Variants in RNASEH2C observed in about 807,000 individuals in gnomAD.
RNASEH2C encodes ribonuclease H2 subunit C.
RNASEH2C carries 20 observed loss-of-function variants against 16.3 expected under a neutral mutation model. The observed-to-expected ratio is 1.23, with a 90% CI of 0.86 to 1.79. The LOEUF (loss-of-function observed/expected upper bound fraction) is 1.79, where lower values mean the gene tolerates loss of function less well. Ranked by LOEUF, RNASEH2C falls within the 40% of genes most tolerant of loss-of-function variation. The pLI, the probability that RNASEH2C is intolerant of heterozygous loss-of-function variation, is 0.00. For synonymous variants in RNASEH2C, 106 were observed against 98.9 expected, an observed-to-expected ratio of 1.07 and a Z score of -0.43; for missense variants, 296 against 235.9, an observed-to-expected ratio of 1.25 and a Z score of -1.67.
chr11:65,720,479 C>T, intron 1 of RNASEH2C, 62 bp from the exon 2 acceptor site: 1 of 1,595,404 alleles, frequency 6.3e-7, no homozygotes, highest in Non-Finnish European at 8.5e-7. Context: ...CCGGAGCTGC[C>T]CTCCCGCCAC....
Position 65,719,719 on chromosome 11 carries a change from C to A in RNASEH2C, c.*64G>T, listed in dbSNP as rs776252408. The A allele has an allele frequency of 6.4e-7, 1 of 1,564,286 alleles. No homozygotes were observed. Among genetic ancestry groups the A allele is most frequent in the Non-Finnish European group, 8.8e-7 (1 of 1,135,974 alleles). On this transcript the variant is annotated 3_prime_UTR_variant, in exon 4 of 4. Coordinates refer to ENST00000308418, the MANE Select transcript of RNASEH2C (RefSeq NM_032193.4). ...AGCTCCTTTATTGGGGTGATGGAAT[C>A]GGTTCCAAAGAGCTGGTTTACTGCT...
At position 65,719,882 on chromosome 11, in the gene RNASEH2C, G is replaced by A. The variant is rs1268989268; in HGVS notation, c.469-73C>T. On this transcript the variant is annotated intron_variant, in intron 3 of 3. Transcript: ENST00000308418. ...AAGCTGGCCCCCATACCCGAGGAAG[G>A]ACCCAGCTGTTCAGAATAACCGCTT... is the stretch of plus-strand genomic sequence containing the variant. 3 of 1,606,638 alleles carry A rather than the reference G, an allele frequency of 1.9e-6. No individual in the cohort carries two copies. The Admixed American group carries it at 5.0e-5, about 27-fold the overall frequency.
At position 65,720,785 on chromosome 11, in the gene RNASEH2C, C is replaced by G. The variant is rs549471118; in HGVS notation, c.-27G>C. 4 of 1,567,470 alleles carry G rather than the reference C, an allele frequency of 2.6e-6. No homozygotes were observed. Among genetic ancestry groups the G allele is most frequent in the Non-Finnish European group, 3.4e-6 (4 of 1,164,056 alleles). On this transcript the variant is annotated 5_prime_UTR_variant, in exon 1 of 4. Transcript: ENST00000308418. Reference sequence around the variant, plus strand: ...CTCCCTCCTACGCGACGCCAGGGCTCGCGAGCTGACACTGAAGCTGGCGCG... The same window carrying G: ...CTCCCTCCTACGCGACGCCAGGGCTGGCGAGCTGACACTGAAGCTGGCGCG...
rs751668441 is a variant in RNASEH2C at position 65,720,375 on chromosome 11, T to A, written c.215A>T (p.Glu72Val). Reference sequence around the variant, plus strand: ...CACGAGGCCAGGCGGCACCGCCACCTCCTCTCCCCGTAGACAGCGGCCCCG... The same window carrying A: ...CACGAGGCCAGGCGGCACCGCCACCACCTCTCCCCGTAGACAGCGGCCCCG... ...SFRGRCLRGE[E>V]VAVPPGLVGY... Residue 72 changes from glutamate (E) to valine (V), a missense_variant, in exon 2 of 4, where the codon GAG (glutamate) becomes GTG (valine). Coordinates refer to ENST00000308418, the MANE Select transcript of RNASEH2C (RefSeq NM_032193.4). 1.9e-6 allele frequency: 3 copies of A among 1,614,176 alleles called. No individual in the cohort carries two copies. The highest frequency in any genetic ancestry group is 3.3e-5 in the Admixed American group (2 of 60,026).
Position 65,718,465 on chromosome 11 carries a change from T to C in RNASEH2C, c.*1318A>G, listed in dbSNP as rs879235568. 16 of 933,240 alleles carry C rather than the reference T, an allele frequency of 1.7e-5. 2 individuals are homozygous for C. In the South Asian group the frequency reaches 2.3e-4, roughly 14 times the overall value. The allele number at this position is 933,240 out of a possible 1,614,324, so 57.8% of individuals were successfully genotyped here. On this transcript the variant is annotated 3_prime_UTR_variant, in exon 4 of 4. Coordinates refer to ENST00000308418, the MANE Select transcript of RNASEH2C (RefSeq NM_032193.4). ...CTGAGGCACAGAGAAGTGGAGGGCA[T>C]AGAACTGCCAAGTGGCAGGGCCATG... is the stretch of plus-strand genomic sequence containing the variant.
rs1433690295 is a variant in RNASEH2C at position 65,719,611 on chromosome 11, T to C, written c.*172A>G. The C allele has an allele frequency of 2.7e-6, 2 of 742,672 alleles. No individual in the cohort carries two copies. The highest frequency in any genetic ancestry group is 4.8e-6 in the Non-Finnish European group (2 of 419,204). The allele number at this position is 742,672 out of a possible 1,614,324, so 46.0% of individuals were successfully genotyped here. On this transcript the variant is annotated 3_prime_UTR_variant, in exon 4 of 4. Coordinates refer to ENST00000308418, the MANE Select transcript of RNASEH2C (RefSeq NM_032193.4). Reference sequence around the variant, plus strand: ...AAATTGTTTCTATATGCCAGAGCCATGCAAAGTTCTTGGTGGGGAGGGGGA... The same window carrying C: ...AAATTGTTTCTATATGCCAGAGCCACGCAAAGTTCTTGGTGGGGAGGGGGA...
rs1236635095 is a variant in RNASEH2C at position 65,718,213 on chromosome 11, A to C, written c.*1570T>G. On this transcript the variant is annotated 3_prime_UTR_variant, in exon 4 of 4. Transcript: ENST00000308418. ...TCTCAGGTCTGGATTAGAGACAGGAATCTGTCTCCACTTCCTTACATGGCT... is the reference window on the plus strand; with the variant it reads ...TCTCAGGTCTGGATTAGAGACAGGACTCTGTCTCCACTTCCTTACATGGCT... 5.5e-6 allele frequency: 1 copy of C among 181,670 alleles called. No homozygotes were observed. Among genetic ancestry groups the C allele is most frequent in the Non-Finnish European group, 1.2e-5 (1 of 85,428 alleles). The allele number at this position is 181,670 out of a possible 1,614,324, so 11.3% of individuals were successfully genotyped here. A position where few individuals can be genotyped will look rare whatever the true frequency, so the allele number is the denominator to read the frequency against.
Position 65,719,085 on chromosome 11 carries a change from T to C in RNASEH2C, c.*698A>G, listed in dbSNP as rs1857307232. Reference sequence around the variant, plus strand: ...TCACACTGTCAGAGGACATCGTGGATGGCCATGAGCGGGCCATGCTCAAGC... The same window carrying C: ...TCACACTGTCAGAGGACATCGTGGACGGCCATGAGCGGGCCATGCTCAAGC... On this transcript the variant is annotated 3_prime_UTR_variant, in exon 4 of 4. Transcript: ENST00000308418. 1 of 1,614,184 alleles carries C rather than the reference T, an allele frequency of 6.2e-7. No individual in the cohort carries two copies. The highest frequency in any genetic ancestry group is 8.5e-7 in the Non-Finnish European group (1 of 1,180,026).
Position 65,719,603 on chromosome 11 carries a change from C to G in RNASEH2C, c.*180G>C. ...CCGGCAATAAATTGTTTCTATATGCCAGAGCCATGCAAAGTTCTTGGTGGG... is the reference window on the plus strand; with the variant it reads ...CCGGCAATAAATTGTTTCTATATGCGAGAGCCATGCAAAGTTCTTGGTGGG... On this transcript the variant is annotated 3_prime_UTR_variant, in exon 4 of 4. Coordinates refer to ENST00000308418, the MANE Select transcript of RNASEH2C (RefSeq NM_032193.4). The G allele has an allele frequency of 1.4e-6, 1 of 727,490 alleles. No homozygotes were observed. The highest frequency in any genetic ancestry group is 2.4e-6 in the Non-Finnish European group (1 of 410,686). The allele number at this position is 727,490 out of a possible 1,614,324, so 45.1% of individuals were successfully genotyped here.
At position 65,720,350 on chromosome 11, in the gene RNASEH2C, C is replaced by T. The variant is rs1222844779; in HGVS notation, c.240G>A (p.Val80=). The change falls in exon 2 of 4, where the codon GTG becomes GTA. Residue 80 remains valine, a synonymous_variant. Coordinates refer to ENST00000308418, the MANE Select transcript of RNASEH2C (RefSeq NM_032193.4). ...TCTCTTCTGTCACCATCACGTATCC[C>T]ACGAGGCCAGGCGGCACCGCCACCT... The part of the protein sequence containing the change: ...GEEVAVPPGL[V]GYVMVTEEKK... 4 of 1,614,134 alleles carry T rather than the reference C, an allele frequency of 2.5e-6. No individual in the cohort carries two copies. Among genetic ancestry groups the T allele is most frequent in the African/African-American group, 2.7e-5 (2 of 74,954 alleles).
Position 65,718,032 on chromosome 11 carries a change from T to A in RNASEH2C, c.*1751A>T, listed in dbSNP as rs1857261434. ...GGGAAAGAGCCATGGTGGGGGTCAG[T>A]CACGTGGCTCCCAGGAATGGTCTCC... On this transcript the variant is annotated 3_prime_UTR_variant, in exon 4 of 4. Coordinates refer to ENST00000308418, the MANE Select transcript of RNASEH2C (RefSeq NM_032193.4). 6.5e-6 allele frequency: 1 copy of A among 153,688 alleles called. No homozygotes were observed. Among genetic ancestry groups the A allele is most frequent in the Admixed American group, 6.4e-5 (1 of 15,514 alleles). 9.5% of individuals were successfully genotyped at this position (153,688 alleles called of 1,614,324 possible).
Position 65,718,473 on chromosome 11 carries a change from C to A in RNASEH2C, c.*1310G>T. On this transcript the variant is annotated 3_prime_UTR_variant, in exon 4 of 4. Coordinates refer to ENST00000308418, the MANE Select transcript of RNASEH2C (RefSeq NM_032193.4). Reference sequence around the variant, plus strand: ...CAGAGAAGTGGAGGGCATAGAACTGCCAAGTGGCAGGGCCATGATAGGAAC... The same window carrying A: ...CAGAGAAGTGGAGGGCATAGAACTGACAAGTGGCAGGGCCATGATAGGAAC... 1 of 1,036,454 alleles carries A rather than the reference C, an allele frequency of 9.6e-7. No individual in the cohort carries two copies. The highest frequency in any genetic ancestry group is 1.4e-6 in the Non-Finnish European group (1 of 699,948). The allele number at this position is 1,036,454 out of a possible 1,614,324, so 64.2% of individuals were successfully genotyped here. A position where few individuals can be genotyped will look rare whatever the true frequency, so the allele number is the denominator to read the frequency against.
chr11:65,720,794 A>G lies in RNASEH2C; in HGVS notation c.-36T>C. ...ACGCGACGCCAGGGCTCGCGAGCTG[A>G]CACTGAAGCTGGCGCGGAAAGCGCG... On this transcript the variant is annotated 5_prime_UTR_variant, in exon 1 of 4. Transcript: ENST00000308418. The G allele has an allele frequency of 6.4e-7, 1 of 1,563,460 alleles. No homozygotes were observed. The highest frequency in any genetic ancestry group is 8.6e-7 in the Non-Finnish European group (1 of 1,162,056).
In RNASEH2C at chr11:65,720,046, G is replaced by C. The variant is rs1857343639; in HGVS notation, c.467C>G (p.Ala156Gly). The change falls in exon 3 of 4, where the codon GCG becomes GGG. Residue 156 changes from alanine to glycine, a missense_variant and splice_region_variant. By Grantham distance (60) the Ala-to-Gly change is moderately conservative. Coordinates refer to ENST00000308418, the MANE Select transcript of RNASEH2C (RefSeq NM_032193.4). ...AGACGGAACTCCTCGTCTACTCACCGCTGCCGCAAGGCTGGGCCAAGTTAA... is the reference window on the plus strand; with the variant it reads ...AGACGGAACTCCTCGTCTACTCACCCCTGCCGCAAGGCTGGGCCAAGTTAA... ...GALTWPSLAA[A>G]IHAQVPED 6.2e-7 allele frequency: 1 copy of C among 1,613,360 alleles called. No individual in the cohort carries two copies.
chr11:65,720,638 G>A lies in RNASEH2C; in HGVS notation c.121C>T (p.Pro41Ser). ...LLPCEVAVDG[P>S]APVGRFFTPA... ...GTGAAGAAGCGCCCCACCGGGGCGG[G>A]CCCGTCCACCGCAACCTCGCAGGGC... Residue 41 changes from proline to serine, a missense_variant, in exon 1 of 4, where the codon CCC (proline) becomes TCC (serine). By Grantham distance (74) the Pro-to-Ser change is moderately conservative (BLOSUM62 -1). Transcript: ENST00000308418. The A allele has an allele frequency of 1.3e-6, 2 of 1,564,362 alleles. No homozygotes were observed. The highest frequency in any genetic ancestry group is 1.7e-6 in the Non-Finnish European group (2 of 1,159,290).
rs980132061 is a variant in RNASEH2C at position 65,718,933 on chromosome 11, C to T, written c.*850G>A. ...ATGTCATCTCCACTCTGCAGTACCTCAATCTCATCAACTACTACAAGGTAG... is the reference window on the plus strand; with the variant it reads ...ATGTCATCTCCACTCTGCAGTACCTTAATCTCATCAACTACTACAAGGTAG... On this transcript the variant is annotated 3_prime_UTR_variant, in exon 4 of 4. Coordinates refer to ENST00000308418, the MANE Select transcript of RNASEH2C (RefSeq NM_032193.4). The T allele has an allele frequency of 2.5e-6, 4 of 1,614,072 alleles. No homozygotes were observed. The highest frequency in any genetic ancestry group is 1.3e-5 in the African/African-American group (1 of 74,938).
rs987901093 is a variant in RNASEH2C, at chr11:65,719,091, T to C, written c.*692A>G. 2.8e-5 allele frequency: 45 copies of C among 1,614,208 alleles called. No homozygotes were observed. The highest frequency in any genetic ancestry group is 1.6e-4 in the Middle Eastern group (1 of 6,062). Reference sequence around the variant, plus strand: ...TGTCAGAGGACATCGTGGATGGCCATGAGCGGGCCATGCTCAAGCGGCTCC... The same window carrying C: ...TGTCAGAGGACATCGTGGATGGCCACGAGCGGGCCATGCTCAAGCGGCTCC... On this transcript the variant is annotated 3_prime_UTR_variant, in exon 4 of 4. Coordinates refer to ENST00000308418, the MANE Select transcript of RNASEH2C (RefSeq NM_032193.4).
In RNASEH2C at chr11:65,718,750, G is replaced by A. The variant is rs2135646256; in HGVS notation, c.*1033C>T. The stretch of plus-strand genomic sequence containing the variant: ...GGGAGAGGCCACAGATCACCATCAA[G>A]TGAGCCTGGCGCTGTCTACCTGGGG... On this transcript the variant is annotated 3_prime_UTR_variant, in exon 4 of 4. Transcript: ENST00000308418. The A allele has an allele frequency of 6.2e-7, 1 of 1,614,228 alleles. No homozygotes were observed. Among genetic ancestry groups the A allele is most frequent in the Non-Finnish European group, 8.5e-7 (1 of 1,180,038 alleles).
Position 65,720,037 on chromosome 11 carries a change from C to G in RNASEH2C, c.468+8G>C, listed in dbSNP as rs751767695. The G allele has an allele frequency of 4.1e-5, 66 of 1,613,172 alleles. No individual in the cohort carries two copies. Among genetic ancestry groups the G allele is most frequent in the South Asian group, 6.6e-5 (6 of 91,090 alleles). On this transcript the variant is annotated splice_region_variant and intron_variant, in intron 3 of 3. Coordinates refer to ENST00000308418, the MANE Select transcript of RNASEH2C (RefSeq NM_032193.4). ...CCGGGGGCAAGACGGAACTCCTCGT[C>G]TACTCACCGCTGCCGCAAGGCTGGG...
Sources: gnomAD v4.1 joint callset for allele counts on GRCh38, gnomAD v4.1.1 for gene constraint, MANE v1.5 for transcripts, NCBI Gene and HGNC (gene_info 2026-07-23, HGNC 2026-07-21) for gene names.